The following EGFR variants were observed in gnomAD, a reference collection of about 807,000 sequenced individuals.
The protein encoded by EGFR is avian erythroblastic leukemia viral (v-erb-b) oncogene homolog.
A neutral mutation model predicts 143.0 loss-of-function variants in EGFR; 58 were observed. The ratio of observed to expected loss-of-function variants is 0.41; its 90% CI spans 0.33 to 0.50. The LOEUF (loss-of-function observed/expected upper bound fraction) is 0.50. Ranked by LOEUF, EGFR falls within the 20% of genes least tolerant of loss-of-function variation. The pLI is 0.39. For synonymous variants in EGFR, 613 were observed against 594.4 expected (o/e 1.03, Z -0.45); for missense variants, 1,307 against 1,579.0 (o/e 0.83, Z 2.92).
intron 20 of EGFR, among the ~76,000 whole-genome samples, chr7:55,186,594 C>T (rs912570235): frequency 5.3e-5 from 8 of 152,142 alleles, no homozygotes; most frequent in East Asian, 1.9e-4. Flanking sequence ...CACAAAGGGT[C>T]GCAGCTAAAC....
chr7:55,198,922 C>T (rs929883437), intron 23 of EGFR, 59 bp downstream of exon 23: 1 of 1,607,676 alleles, frequency 6.2e-7, no homozygotes. Flanking sequence ...CTGCTCTTAG[C>T]CAAACAGCTG....
intron 1 of EGFR, among the ~76,000 whole-genome samples, chr7:55,140,729 CT>C (rs1463504283): frequency 6.6e-6 from 1 of 152,176 alleles, no homozygotes; most frequent in African/African-American, 2.4e-5. Context: ...AATTCTGCCC[CT>C]GGTGATAGGA....
chr7:55,101,208 C>G (rs762044634), intron 1 of EGFR, among the ~76,000 whole-genome samples: 3 of 152,206 alleles, frequency 2.0e-5, no homozygotes, highest in Non-Finnish European at 4.4e-5. Context: ...GTCCACCAGA[C>G]TTTACGCTTG....
At chr7:55,200,293 G>T (rs199919956) in intron 23 of EGFR, 23 bp from the exon 24 acceptor site, 1 of 1,609,776 alleles carries the variant, frequency 6.2e-7, no homozygotes, top group African/African-American at 1.3e-5. Flanking sequence ...TAATTGCACT[G>T]TTTTTTCTCA....
intron 1 of EGFR, among the ~76,000 whole-genome samples, chr7:55,036,303 A>C (rs1583878952): frequency 9.4e-5 from 11 of 116,606 alleles, no homozygotes; most frequent in Admixed American, 2.1e-4. Flanking sequence ...TGTGTGTACC[A>C]CTCTACCCAT....
intron 1 of EGFR, among the ~76,000 whole-genome samples, chr7:55,106,105 A>C (rs1229546991): frequency 1.3e-5 from 2 of 152,218 alleles, no homozygotes; most frequent in Non-Finnish European, 2.9e-5. Context: ...GCCTAGCGGC[A>C]AGGGCTGAAT....
Position 55,075,515 on chromosome 7 carries a change from C to T in EGFR, c.88+56150C>T, listed in dbSNP as rs1790086454. ...GGAACAAATTTACCAATCTGAATTT[C>T]CCCCTAGATTAGGTCACAGGAACAT... On this transcript the variant is annotated intron_variant, in intron 1 of 27. Transcript: ENST00000275493. Among the ~76,000 whole-genome samples, 6 of 152,176 alleles carry T rather than the reference C, an allele frequency of 3.9e-5. No homozygotes were observed. The South Asian group carries it at 1.2e-3, about 32-fold the overall frequency.
intron 1 of EGFR, among the ~76,000 whole-genome samples, chr7:55,073,347 C>T (rs1789942562): frequency 6.6e-6 from 1 of 152,138 alleles, no homozygotes; most frequent in African/African-American, 2.4e-5. Context: ...TAGGACCTTC[C>T]CAGGGGATTT....
intron 1 of EGFR, among the ~76,000 whole-genome samples, chr7:55,081,083 T>C (rs931961721): frequency 1.3e-5 from 2 of 152,240 alleles, no homozygotes; most frequent in African/African-American, 4.8e-5. Flanking sequence ...TGCACTTAAT[T>C]GCCACATTTT....
chr7:55,156,068 C>A (rs1785404414), intron 8 of EGFR, 122 bp downstream of exon 8: 2 of 775,872 alleles, frequency 2.6e-6, no homozygotes, highest in Non-Finnish European at 4.4e-6. Context: ...CATATCGTTT[C>A]TTTAAAACAG....
At chr7:55,179,477 GA>G (rs1562788927) in intron 19 of EGFR, among the ~76,000 whole-genome samples, 1 of 152,232 alleles carries the variant, frequency 6.6e-6, no homozygotes, top group South Asian at 2.1e-4. Flanking sequence ...AAGGAAGGAG[GA>G]GGTGGGTTCT....
At chr7:55,156,496 A>T in intron 8 of EGFR, 37 bp from the exon 9 acceptor site, 1 of 1,613,642 alleles carries the variant, frequency 6.2e-7, no homozygotes, top group Non-Finnish European at 8.5e-7. Flanking sequence ...TAATCCAACA[A>T]ATGTGAACGG....
chr7:55,185,466 G>C (rs1787090311), intron 20 of EGFR, among the ~76,000 whole-genome samples: 1 of 152,214 alleles, frequency 6.6e-6, no homozygotes, highest in African/African-American at 2.4e-5. Context: ...GTCATCCAAA[G>C]ATCCCGTCAT....
intron 1 of EGFR, among the ~76,000 whole-genome samples, chr7:55,132,879 T>C (rs1481449084): frequency 6.6e-6 from 1 of 152,192 alleles, no homozygotes; most frequent in Non-Finnish European, 1.5e-5. Flanking sequence ...GCAACTTTGG[T>C]GCCTGGTGTG....
chr7:55,021,899 AC>A, intron 1 of EGFR, among the ~76,000 whole-genome samples: 1 of 152,282 alleles, frequency 6.6e-6, no homozygotes, highest in East Asian at 1.9e-4. Context: ...CGGGAAATTC[AC>A]ACCAGGGGCT....
intron 19 of EGFR, among the ~76,000 whole-genome samples, chr7:55,178,620 G>A (rs2128956693): frequency 6.6e-6 from 1 of 152,282 alleles, no homozygotes; most frequent in African/African-American, 2.4e-5. Flanking sequence ...AGTGACCTCA[G>A]ACAAAATACG....
chr7:55,059,756 G>A (rs1789058337), intron 1 of EGFR, among the ~76,000 whole-genome samples: 1 of 152,254 alleles, frequency 6.6e-6, no homozygotes, highest in Middle Eastern at 3.4e-3. Context: ...GTAGACTTCT[G>A]TAAATACTCA....
At chr7:55,023,377 T>C (rs923738837) in intron 1 of EGFR, among the ~76,000 whole-genome samples, 10 of 152,168 alleles carry the variant, frequency 6.6e-5, no homozygotes, top group Admixed American at 6.5e-4. Context: ...GGGCCGGGCA[T>C]GGTGGCTCAC....
rs1189208254 is a variant in EGFR, at chr7:55,207,935, CAGAA to C, written c.*2319_*2322del. 6.6e-6 allele frequency: 1 copy of C among 152,210 alleles called. No homozygotes were observed. Among genetic ancestry groups the C allele is most frequent in the African/African-American group, 2.4e-5 (1 of 41,442 alleles). 9.4% of individuals were successfully genotyped at this position (152,210 alleles called of 1,614,324 possible). On this transcript the variant is annotated 3_prime_UTR_variant, in exon 28 of 28. Transcript: ENST00000275493. ...AAATATTTCAGTCAGAACTGGGAAACAGAAGGACCTACATTCTGCTGTCACTTAT... is the reference window on the plus strand; with the variant it reads ...AAATATTTCAGTCAGAACTGGGAAACGGACCTACATTCTGCTGTCACTTAT...
Sources: allele counts gnomAD v4.1 joint callset (sites outside exome capture counted in the v4.1 genomes callset), GRCh38; gene constraint gnomAD v4.1.1; transcripts MANE v1.5; gene names NCBI Gene and HGNC (gene_info 2026-07-23, HGNC 2026-07-21).